The following CIDEA variants were observed in gnomAD, a reference collection of about 807,000 sequenced individuals.
CIDEA encodes cell death inducing DFFA like effector a.
CIDEA carries 10 observed loss-of-function variants against 18.2 expected under a neutral mutation model. That is an observed-to-expected ratio of 0.55 (90% CI 0.34 to 0.93). CIDEA has a LOEUF of 0.93. Ranked by LOEUF, CIDEA falls within the 40% of genes least tolerant of loss-of-function variation. The pLI, the probability that CIDEA is intolerant of heterozygous loss-of-function variation, is 0.02. For missense variants in CIDEA, 309 were observed against 293.1 expected, an observed-to-expected ratio of 1.05 and a Z score of -0.40; for synonymous variants, 128 against 124.8, an observed-to-expected ratio of 1.03 and a Z score of -0.17.
chr18:12,257,939 C>A (rs1056080370), intron 1 of CIDEA, among the ~76,000 whole-genome samples: 2 of 152,146 alleles, frequency 1.3e-5, no homozygotes, highest in Non-Finnish European at 2.9e-5. Context: ...GCAGCAGATT[C>A]GGTACCTGTA....
intron 2 of CIDEA, 110 bp downstream of exon 2, chr18:12,263,079 C>A (rs1424148892): frequency 9.1e-7 from 1 of 1,093,044 alleles, no homozygotes; most frequent in Non-Finnish European, 1.3e-6. Flanking sequence ...TCAAGAAAAG[C>A]AGCATCTCAC....
chr18:12,254,671 G>C (rs778227622), intron 1 of CIDEA: 1 of 1,523,868 alleles, frequency 6.6e-7, no homozygotes, highest in East Asian at 2.5e-5. Context: ...GCTGGGCACA[G>C]GTACCAGGTG....
intron 2 of CIDEA, among the ~76,000 whole-genome samples, chr18:12,263,448 C>A (rs1912255065): frequency 3.9e-5 from 6 of 152,146 alleles, no homozygotes; most frequent in Admixed American, 2.6e-4. Context: ...ACTCATCAGA[C>A]CCTCTCTTGG....
At chr18:12,272,150 G>C (rs1256462023) in intron 3 of CIDEA, among the ~76,000 whole-genome samples, 8 of 16,490 alleles carry the variant, frequency 4.9e-4, no homozygotes, top group African/African-American at 1.5e-3. Flanking sequence ...GTGTGTGTGT[G>C]GGGGGGGGGG....
intron 4 of CIDEA, among the ~76,000 whole-genome samples, chr18:12,276,732 A>G (rs749819027): frequency 5.3e-5 from 8 of 152,324 alleles, no homozygotes; most frequent in East Asian, 1.9e-4. Context: ...CAGGGCCCCT[A>G]GAACAGCCCA....
intron 3 of CIDEA, among the ~76,000 whole-genome samples, chr18:12,268,242 T>TTTTTTTTTTTTC: frequency 6.9e-6 from 1 of 143,936 alleles, no homozygotes; most frequent in Non-Finnish European, 1.5e-5. Flanking sequence ...TTTTTTTTTT[T>TTTTTTTTTTTTC]TTTTTTTTTT....
intron 1 of CIDEA, among the ~76,000 whole-genome samples, chr18:12,260,199 G>C (rs1912151327): frequency 6.6e-6 from 1 of 151,528 alleles, no homozygotes; most frequent in Non-Finnish European, 1.5e-5. Context: ...TTGTTTGTTT[G>C]TTTGTTTGTT....
intron 3 of CIDEA, among the ~76,000 whole-genome samples, chr18:12,266,195 C>T (rs528231445): frequency 6.6e-6 from 1 of 152,212 alleles, no homozygotes; most frequent in Non-Finnish European, 1.5e-5. Flanking sequence ...CACACCTCTG[C>T]ACTCCAGCCT....
At chr18:12,264,280 C>A in intron 2 of CIDEA, 27 bp from the exon 3 acceptor site, 6 of 1,543,002 alleles carry the variant, frequency 3.9e-6, no homozygotes, top group Non-Finnish European at 5.2e-6. Flanking sequence ...GGCTTCACTC[C>A]ATTTCTCTGA....
Position 12,262,960 on chromosome 18 carries a change from C to T in CIDEA, c.174C>T (p.Leu58=). 1 of 1,614,104 alleles carries T rather than the reference C, an allele frequency of 6.2e-7. No homozygotes were observed. Among genetic ancestry groups the T allele is most frequent in the Non-Finnish European group, 8.5e-7 (1 of 1,180,016 alleles). The change falls in exon 2 of 5, where the codon CTC becomes CTT. Residue 58 remains leucine, a synonymous_variant. Transcript: ENST00000320477. ...RGVMASSLQE[L]ISKTLDALVI... is the part of the protein sequence containing the mutation. The stretch of plus-strand genomic sequence containing the variant: ...TGATGGCAAGCAGCCTGCAGGAGCT[C>T]ATCAGCAAGGTGCCCCACATCCCGC...
At chr18:12,263,039 G>A (rs1319117173) in intron 2 of CIDEA, 70 bp downstream of exon 2, 43 of 1,526,522 alleles carry the variant, frequency 2.8e-5, no homozygotes, top group Non-Finnish European at 3.7e-5. Flanking sequence ...CCATGGTCTT[G>A]GGCTCTAAGC....
chr18:12,272,144 GTGT>G (rs1568105771), intron 3 of CIDEA, among the ~76,000 whole-genome samples: 2 of 15,686 alleles, frequency 1.3e-4, no homozygotes, highest in South Asian at 1.5e-3. Context: ...CTTTGAGTGT[GTGT>G]GTGGGGGGGG....
At chr18:12,260,578 T>C (rs1400402016) in intron 1 of CIDEA, among the ~76,000 whole-genome samples, 4 of 152,178 alleles carry the variant, frequency 2.6e-5, no homozygotes, top group Non-Finnish European at 4.4e-5. Flanking sequence ...TAATATACTA[T>C]CTAAAATGTA....
chr18:12,260,108 G>A (rs1300568133), intron 1 of CIDEA, among the ~76,000 whole-genome samples: 2 of 152,176 alleles, frequency 1.3e-5, no homozygotes, highest in Non-Finnish European at 2.9e-5. Flanking sequence ...CAAGCTGGTA[G>A]CGTGAACTCA....
intron 3 of CIDEA, among the ~76,000 whole-genome samples, chr18:12,267,802 A>G (rs1435337483): frequency 6.6e-6 from 1 of 151,858 alleles, no homozygotes; most frequent in Non-Finnish European, 1.5e-5. Context: ...GCTTGTATCA[A>G]TAAATTCTAT....
At chr18:12,266,103 C>T (rs1243508920) in intron 3 of CIDEA, among the ~76,000 whole-genome samples, 1 of 152,166 alleles carries the variant, frequency 6.6e-6, no homozygotes, top group African/African-American at 2.4e-5. Flanking sequence ...AGATGCTACA[C>T]ACCTGAAGTC....
chr18:12,270,505 G>C lies in CIDEA; in HGVS notation c.331-3588G>C, dbSNP rs377300859. ...GGAGTTCAAGACCAGCCTGGCCCAC[G>C]GGGTGAAACCCCGTCTTTACTAAAA... On this transcript the variant is annotated intron_variant, in intron 3 of 4. Transcript: ENST00000320477. 2.6e-5 allele frequency among the ~76,000 whole-genome samples: 4 copies of C among 151,868 alleles called. No individual in the cohort carries two copies. In the South Asian group the frequency reaches 8.3e-4, roughly 32 times the overall value.
At chr18:12,263,056 C>A in intron 2 of CIDEA, 87 bp downstream of exon 2, 1 of 1,411,728 alleles carries the variant, frequency 7.1e-7, no homozygotes, top group Non-Finnish European at 9.6e-7. Flanking sequence ...AAGCCAGGGC[C>A]AGCACAGAAA....
chr18:12,264,412 A>C lies in CIDEA; in HGVS notation c.289A>C (p.Thr97Pro), dbSNP rs777628104. The C allele has an allele frequency of 6.2e-7, 1 of 1,613,934 alleles. No homozygotes were observed. Among genetic ancestry groups the C allele is most frequent in the African/African-American group, 1.3e-5 (1 of 74,920 alleles). Residue 97 changes from threonine to proline, a missense_variant, in exon 3 of 5, where the codon ACG becomes CCG. Coordinates refer to ENST00000320477, the MANE Select transcript of CIDEA (RefSeq NM_001279.4). ...GTTCTTTCAGACCTTGGGAGACAAC[A>C]CGCATTTCATGATCTTGGAAAAAGG... is the stretch of plus-strand genomic sequence containing the variant. Reference protein sequence around the residue: ...EEFFQTLGDNTHFMILEKGQK... With the variant: ...EEFFQTLGDNPHFMILEKGQK...
Sources: allele counts gnomAD v4.1 joint callset (sites outside exome capture counted in the v4.1 genomes callset), GRCh38; gene constraint gnomAD v4.1.1; transcripts MANE v1.5; gene names NCBI Gene and HGNC (gene_info 2026-07-23, HGNC 2026-07-21).